The following GRIA3 variants were observed in gnomAD, a reference collection of about 807,000 sequenced individuals.
GRIA3 encodes the protein glutamate receptor 3.
In GRIA3, 3 loss-of-function variants were observed where a neutral mutation model predicts 63.0. That is an observed-to-expected ratio of 0.05 (90% CI 0.02 to 0.12). The LOEUF (loss-of-function observed/expected upper bound fraction) is 0.12, where lower values mean the gene tolerates loss of function less well. Ranked by LOEUF, GRIA3 falls within the 10% of genes least tolerant of loss-of-function variation. The probability of loss-of-function intolerance (pLI) is 1.00; values close to 1 mark genes in which losing one functional copy is unlikely to be tolerated. For synonymous variants in GRIA3, 274 were observed against 257.9 expected (o/e 1.06, Z -0.60); for missense variants, 347 against 700.9 (o/e 0.50, Z 5.70).
intron 4 of GRIA3, among the ~76,000 whole-genome samples, chrX:123,347,222 T>C (rs1490402287): frequency 9.0e-6 from 1 of 111,559 alleles, no homozygotes; most frequent in African/African-American, 3.3e-5. Flanking sequence ...CAGATGCAAA[T>C]AGCAGGAGCG....
rs773934353 is a variant in GRIA3, at chrX:123,400,197, T to C, written c.1080+1394T>C. Among the ~76,000 whole-genome samples, 7 of 111,108 alleles carry C rather than the reference T, an allele frequency of 6.3e-5. No individual in the cohort carries two copies. The South Asian group carries it at 2.3e-3, about 37-fold the overall frequency. ...GAAAACTGGCTATCAGAATGAAGGA[T>C]AAGATACCAATTGGGCTAGGAAAAA... On this transcript the variant is annotated intron_variant, in intron 7 of 15. Transcript: ENST00000620443.
chrX:123,483,273 T>C (rs2045921729), intron 15 of GRIA3, among the ~76,000 whole-genome samples: 1 of 111,313 alleles, frequency 9.0e-6, no homozygotes, highest in African/African-American at 3.3e-5. Flanking sequence ...GGAAATACAA[T>C]TCTCCAGAAC....
At chrX:123,379,462 T>G (rs1246693157) in intron 5 of GRIA3, among the ~76,000 whole-genome samples, 1 of 110,310 alleles carries the variant, frequency 9.1e-6, no homozygotes, top group South Asian at 3.9e-4. Flanking sequence ...TCTTCTCTCT[T>G]ACCACTTTCT....
At chrX:123,389,083 T>C (rs1165536138) in intron 5 of GRIA3, among the ~76,000 whole-genome samples, 1 of 112,389 alleles carries the variant, frequency 8.9e-6, no homozygotes, top group Non-Finnish European at 1.9e-5. Flanking sequence ...TGAGAAGATA[T>C]TTGATATGAT....
rs995635278 is a variant in GRIA3, at chrX:123,363,559, T to C, written c.750+8596T>C. 3.6e-5 allele frequency among the ~76,000 whole-genome samples: 4 copies of C among 112,334 alleles called. No individual in the cohort carries two copies. The Admixed American group carries it at 3.8e-4, about 11-fold the overall frequency. ...TTCTCAAATCATGGATGGTCTGTGT[T>C]TGGATGACAGTTGTGTAACCAGTGT... On this transcript the variant is annotated intron_variant, in intron 5 of 15. Transcript: ENST00000620443.
chrX:123,246,119 T>A (rs1042814996), intron 2 of GRIA3, among the ~76,000 whole-genome samples: 10 of 111,834 alleles, frequency 8.9e-5, no homozygotes, highest in African/African-American at 3.3e-4. Flanking sequence ...AGATAATTCA[T>A]TTCCAACCTT....
chrX:123,277,105 T>G (rs2044559184), intron 3 of GRIA3, among the ~76,000 whole-genome samples: 1 of 108,759 alleles, frequency 9.2e-6, no homozygotes, highest in African/African-American at 3.3e-5. Context: ...TTTTTTTAAC[T>G]TTTTTTTTAA....
chrX:123,249,555 G>A (rs1288464153), intron 2 of GRIA3, among the ~76,000 whole-genome samples: 2 of 111,517 alleles, frequency 1.8e-5, no homozygotes, highest in Admixed American at 9.5e-5. Flanking sequence ...CTAATCCTTC[G>A]CAGGCCTTCT....
intron 12 of GRIA3, among the ~76,000 whole-genome samples, chrX:123,441,220 C>T (rs1327109751): frequency 8.9e-6 from 1 of 112,163 alleles, no homozygotes; most frequent in Non-Finnish European, 1.9e-5. Context: ...CTTTATATCA[C>T]ATTAAACCAT....
intron 10 of GRIA3, among the ~76,000 whole-genome samples, chrX:123,417,027 G>A (rs1010534625): frequency 1.8e-5 from 2 of 112,132 alleles, no homozygotes; most frequent in African/African-American, 3.2e-5. Flanking sequence ...TCAAGTGAGG[G>A]AGATAAGACA....
intron 3 of GRIA3, among the ~76,000 whole-genome samples, chrX:123,317,100 A>C (rs1427280929): frequency 9.0e-6 from 1 of 111,475 alleles, no homozygotes; most frequent in Admixed American, 9.5e-5. Context: ...AGGAAGCAAA[A>C]GCAGAAACCT....
chrX:123,367,210 T>G (rs2045215931), intron 5 of GRIA3, among the ~76,000 whole-genome samples: 1 of 111,823 alleles, frequency 8.9e-6, no homozygotes, highest in Non-Finnish European at 1.9e-5. Flanking sequence ...GCAAAACAGC[T>G]TAAACAAAAG....
At chrX:123,474,240 T>C (rs1603176939) in intron 13 of GRIA3, among the ~76,000 whole-genome samples, 1 of 112,259 alleles carries the variant, frequency 8.9e-6, no homozygotes, top group South Asian at 3.7e-4. Flanking sequence ...CTCTTCACCA[T>C]TTCTTTGTTC....
At chrX:123,451,465 A>G (rs756167816) in intron 12 of GRIA3, among the ~76,000 whole-genome samples, 126 of 91,410 alleles carry the variant, frequency 1.4e-3, no homozygotes, top group African/African-American at 4.9e-3. Flanking sequence ...GGATCACACA[A>G]GTGCACGCCA....
intron 5 of GRIA3, among the ~76,000 whole-genome samples, chrX:123,375,510 C>T (rs761363994): frequency 1.8e-5 from 2 of 111,726 alleles, no homozygotes; most frequent in East Asian, 2.8e-4. Flanking sequence ...TTAAATGATA[C>T]GATAGGAAAA....
intron 2 of GRIA3, among the ~76,000 whole-genome samples, chrX:123,205,464 T>C (rs770275116): frequency 2.3e-4 from 26 of 112,626 alleles, no homozygotes; most frequent in Non-Finnish European, 3.9e-4. Context: ...CATAGCCTTC[T>C]ATCTCTTTTC....
intron 12 of GRIA3, among the ~76,000 whole-genome samples, chrX:123,463,684 G>GAAAGAAAGAA (rs1450137968): frequency 1.8e-5 from 1 of 54,092 alleles, no homozygotes; most frequent in Non-Finnish European, 3.3e-5. Flanking sequence ...AAGAAAGAAA[G>GAAAGAAAGAA]AGAGAGAAAG....
At chrX:123,253,107 T>C (rs765380479) in intron 2 of GRIA3, among the ~76,000 whole-genome samples, 196 bp from the exon 3 acceptor site, 6 of 111,437 alleles carry the variant, frequency 5.4e-5, no homozygotes, top group South Asian at 3.9e-4. Context: ...ATTGTGCACA[T>C]AGAGAATGTG....
At chrX:123,379,751 G>A (rs1283332308) in intron 5 of GRIA3, among the ~76,000 whole-genome samples, 17 of 101,705 alleles carry the variant, frequency 1.7e-4, no homozygotes, top group East Asian at 1.3e-3. Flanking sequence ...CCATTAACTC[G>A]TCATTTAGCA....
Sources: gnomAD v4.1 joint callset for allele counts (sites outside exome capture counted in the v4.1 genomes callset) on GRCh38, gnomAD v4.1.1 for gene constraint, MANE v1.5 for transcripts, NCBI Gene and HGNC (gene_info 2026-07-23, HGNC 2026-07-21) for gene names.